The following PDE10A variants were observed in gnomAD, a reference collection of about 807,000 sequenced individuals.
PDE10A encodes the protein phosphodiesterase 10A.
In PDE10A, 39 loss-of-function variants were observed where a neutral mutation model predicts 97.7. The ratio of observed to expected loss-of-function variants is 0.40; its 90% CI spans 0.31 to 0.52. The LOEUF (loss-of-function observed/expected upper bound fraction) is 0.52. Among genes scored for constraint, PDE10A ranks in the 20% least tolerant of loss-of-function variants. The probability of loss-of-function intolerance (pLI) is 0.56; values close to 1 mark genes in which losing one functional copy is unlikely to be tolerated. For missense variants in PDE10A, 731 were observed against 1,047.8 expected (o/e 0.70, Z 4.17); for synonymous variants, 371 against 376.8 (o/e 0.98, Z 0.18).
chr6:165,363,970 T>C (rs1174831004), intron 18 of PDE10A, among the ~76,000 whole-genome samples: 5 of 152,208 alleles, frequency 3.3e-5, no homozygotes, highest in Non-Finnish European at 5.9e-5. Flanking sequence ...CAACATTTTC[T>C]GCATCAGAAT....
intron 1 of PDE10A, among the ~76,000 whole-genome samples, chr6:165,932,347 T>G (rs954607291): frequency 4.6e-5 from 7 of 152,218 alleles, no homozygotes; most frequent in Admixed American, 3.3e-4. Flanking sequence ...TAGATTTTTT[T>G]TTTTCAAGAT....
At chr6:165,961,472 C>T (rs944901871) in intron 1 of PDE10A, among the ~76,000 whole-genome samples, 2 of 152,222 alleles carry the variant, frequency 1.3e-5, no homozygotes, top group Non-Finnish European at 2.9e-5. Context: ...GCATCATAGA[C>T]AGTGGATGCG....
intron 1 of PDE10A, among the ~76,000 whole-genome samples, chr6:165,730,864 TG>T (rs1239707477): frequency 6.6e-6 from 1 of 150,886 alleles, no homozygotes; most frequent in East Asian, 2.0e-4. Flanking sequence ...GCCAACATAG[TG>T]AAACCCCATC....
intron 1 of PDE10A, among the ~76,000 whole-genome samples, chr6:165,905,445 T>C (rs1487544537): frequency 6.6e-6 from 1 of 152,136 alleles, no homozygotes; most frequent in Non-Finnish European, 1.5e-5. Flanking sequence ...TAATAATCAT[T>C]AAGAATCTTG....
chr6:165,586,569 A>G (rs1221979460), intron 1 of PDE10A, among the ~76,000 whole-genome samples: 5 of 152,178 alleles, frequency 3.3e-5, no homozygotes, highest in Non-Finnish European at 4.4e-5. Context: ...CAAACCTCTA[A>G]TTAAAAATGT....
rs143717269 is a variant in PDE10A at position 165,794,247 on chromosome 6, C to G, written c.-615+193282G>C. The stretch of plus-strand genomic sequence containing the variant: ...CATACACTCCCTCCCACACGCACAC[C>G]TGCTCACACTCACATACACACTCAT... On this transcript the variant is annotated intron_variant, in intron 1 of 19. Coordinates refer to the PDE10A transcript ENST00000366882. 3.8e-3 allele frequency among the ~76,000 whole-genome samples: 565 copies of G among 150,450 alleles called. 4 individuals carry two copies. The highest frequency in any genetic ancestry group is 6.0e-3 in the Non-Finnish European group (403 of 67,566).
At chr6:165,575,794 T>G (rs563445263) in intron 1 of PDE10A, among the ~76,000 whole-genome samples, 2 of 152,370 alleles carry the variant, frequency 1.3e-5, no homozygotes, top group South Asian at 4.1e-4. Flanking sequence ...AAATCATTTT[T>G]TGGTTAAACC....
At chr6:165,717,569 G>A (rs1452593866) in intron 1 of PDE10A, among the ~76,000 whole-genome samples, 1 of 140,680 alleles carries the variant, frequency 7.1e-6, no homozygotes, top group Non-Finnish European at 1.6e-5. Context: ...GGGCTACAGA[G>A]AGAGACTCCG....
intron 2 of PDE10A, among the ~76,000 whole-genome samples, chr6:165,538,927 C>T (rs1783257469): frequency 6.6e-6 from 1 of 152,114 alleles, no homozygotes; most frequent in African/African-American, 2.4e-5. Flanking sequence ...ATTTACTTTG[C>T]ATAAAAATAT....
chr6:165,751,788 A>C (rs1411829485), intron 1 of PDE10A, among the ~76,000 whole-genome samples: 1 of 152,176 alleles, frequency 6.6e-6, no homozygotes, highest in Non-Finnish European at 1.5e-5. Flanking sequence ...CTAGAAAGTT[A>C]TAAATAACCC....
intron 1 of PDE10A, among the ~76,000 whole-genome samples, chr6:165,799,161 T>C (rs1375244617): frequency 6.6e-6 from 1 of 152,216 alleles, no homozygotes; most frequent in Non-Finnish European, 1.5e-5. Flanking sequence ...GGGATTCCCA[T>C]GGTGGCCAGC....
At chr6:165,524,239 AC>A (rs1283108384) in intron 2 of PDE10A, among the ~76,000 whole-genome samples, 1 of 152,150 alleles carries the variant, frequency 6.6e-6, no homozygotes, top group Non-Finnish European at 1.5e-5. Context: ...CCTCTAGAGA[AC>A]CCTGACTAAT....
chr6:165,494,160 A>T (rs532674799), intron 2 of PDE10A, among the ~76,000 whole-genome samples: 22 of 152,262 alleles, frequency 1.4e-4, no homozygotes, highest in Admixed American at 2.6e-4. Context: ...CAAAAAAATT[A>T]AAAAATCACT....
intron 3 of PDE10A, among the ~76,000 whole-genome samples, chr6:165,477,100 C>T (rs185272687): frequency 5.3e-5 from 8 of 152,138 alleles, no homozygotes; most frequent in Non-Finnish European, 7.3e-5. Flanking sequence ...CAAATCCCCC[C>T]CAGCGGCATC....
intron 1 of PDE10A, among the ~76,000 whole-genome samples, chr6:165,723,732 T>G (rs192194307): frequency 2.0e-5 from 3 of 152,354 alleles, no homozygotes; most frequent in Admixed American, 6.5e-5. Flanking sequence ...AACTATCTCA[T>G]TTTTAGCTCT....
At chr6:165,450,413 CAAAAATTCCTTAGTCTGTA>C (rs1405119430) in intron 3 of PDE10A, 51 bp from the exon 4 acceptor site, 1 of 1,110,562 alleles carries the variant, frequency 9.0e-7, no homozygotes, top group East Asian at 2.6e-5. Flanking sequence ...TAAAATATAA[CAAAAATTCCTTAGTCTGTA>C]AGACATACTA....
At chr6:165,640,072 G>GAA (rs58783268) in intron 1 of PDE10A, among the ~76,000 whole-genome samples, 46,315 of 138,308 alleles carry the variant, frequency 0.33, 8,215 homozygotes, top group East Asian at 0.64. Flanking sequence ...TCTGTCACCA[G>GAA]AAAAAAAAAA....
intron 1 of PDE10A, among the ~76,000 whole-genome samples, chr6:165,937,575 T>A (rs779902389): frequency 6.6e-6 from 1 of 152,262 alleles, no homozygotes; most frequent in Non-Finnish European, 1.5e-5. Context: ...AGTTGGTACA[T>A]GTCTTGACAT....
At chr6:165,713,255 C>T (rs1342384560) in intron 1 of PDE10A, among the ~76,000 whole-genome samples, 2 of 152,188 alleles carry the variant, frequency 1.3e-5, no homozygotes, top group African/African-American at 4.8e-5. Context: ...ACCTCCAGGG[C>T]ACCTGCAGTG....
Sources: gnomAD v4.1 joint callset for allele counts (sites outside exome capture counted in the v4.1 genomes callset) on GRCh38, gnomAD v4.1.1 for gene constraint, MANE v1.5 for transcripts, NCBI Gene and HGNC (gene_info 2026-07-23, HGNC 2026-07-21) for gene names.